CSMD1: variants seen among roughly 807,000 people sequenced by gnomAD.
The protein encoded by CSMD1 is CUB and sushi domain-containing protein 1.
Under a neutral mutation model 417.5 loss-of-function variants are expected in CSMD1, and 213 were observed. The observed-to-expected ratio is 0.51, with a 90% CI of 0.46 to 0.57. The LOEUF is 0.57. CSMD1 is among the 20% of genes least tolerant of loss of function. The pLI is 0.00. For missense variants in CSMD1, 6,923 were observed against 4,529.7 expected (o/e 1.53, Z -15.17); for synonymous variants, 2,862 against 1,736.8 (o/e 1.65, Z -16.11).
intron 3 of CSMD1, among the ~76,000 whole-genome samples, chr8:4,415,901 C>G (rs565886615): frequency 6.6e-6 from 1 of 152,182 alleles, no homozygotes; most frequent in Non-Finnish European, 1.5e-5. Flanking sequence ...ATTGCAACTT[C>G]TGTAGATGTA....
At chr8:4,698,903 AACACACAC>A (rs71988727) in intron 1 of CSMD1, among the ~76,000 whole-genome samples, 4,313 of 140,190 alleles carry the variant, frequency 0.031, 194 homozygotes, top group African/African-American at 0.1. Flanking sequence ...ATACCCTCCC[AACACACAC>A]ACACACACAC....
chr8:4,142,278 A>T (rs1361899437), intron 3 of CSMD1, among the ~76,000 whole-genome samples: 1 of 151,148 alleles, frequency 6.6e-6, no homozygotes, highest in East Asian at 1.9e-4. Flanking sequence ...CTCTTGGTAT[A>T]AGGTAATGTT....
intron 1 of CSMD1, among the ~76,000 whole-genome samples, chr8:4,712,432 A>G (rs1440429833): frequency 1.3e-5 from 2 of 152,126 alleles, no homozygotes; most frequent in African/African-American, 4.8e-5. Flanking sequence ...AGGACTACCT[A>G]CTCTTACTCT....
chr8:3,192,466 G>C (rs193162961), intron 33 of CSMD1, among the ~76,000 whole-genome samples: 5 of 152,266 alleles, frequency 3.3e-5, no homozygotes, highest in Admixed American at 6.5e-5. Context: ...TCCTTGTTAA[G>C]ATGATGACTT....
chr8:3,197,722 C>G (rs1000015449), intron 33 of CSMD1, among the ~76,000 whole-genome samples: 1 of 152,208 alleles, frequency 6.6e-6, no homozygotes, highest in African/African-American at 2.4e-5. Flanking sequence ...CCTCGGCCTC[C>G]CAAAGTGCTG....
intron 3 of CSMD1, among the ~76,000 whole-genome samples, chr8:4,162,754 T>A (rs2552088): frequency 0.22 from 32,885 of 152,044 alleles, 3,639 homozygotes; most frequent in East Asian, 0.3. Context: ...TAAGTCATTA[T>A]CATCCAAACC....
At chr8:4,978,356 A>C (rs1489847587) in intron 1 of CSMD1, among the ~76,000 whole-genome samples, 5 of 152,066 alleles carry the variant, frequency 3.3e-5, no homozygotes, top group Non-Finnish European at 7.4e-5. Context: ...CAGAAGGAAA[A>C]AGCCAGATCA....
At chr8:3,119,128 C>T (rs200819177) in intron 41 of CSMD1, among the ~76,000 whole-genome samples, 2 of 151,756 alleles carry the variant, frequency 1.3e-5, no homozygotes, top group Non-Finnish European at 2.9e-5. Context: ...TGCAGTGAGC[C>T]GAGATCTTGC....
At chr8:3,565,779 T>A (rs34038999) in intron 10 of CSMD1, among the ~76,000 whole-genome samples, 60,384 of 151,972 alleles carry the variant, frequency 0.4, 12,267 homozygotes, top group Middle Eastern at 0.49. Flanking sequence ...CAAATTGCTG[T>A]GACTAATTAC....
intron 4 of CSMD1, among the ~76,000 whole-genome samples, chr8:4,024,074 A>T (rs1002853326): frequency 6.6e-6 from 1 of 152,164 alleles, no homozygotes; most frequent in Admixed American, 6.5e-5. Flanking sequence ...AATATACTAG[A>T]AAGAGTAGAA....
chr8:3,451,853 A>G (rs912580042), intron 12 of CSMD1, among the ~76,000 whole-genome samples: 1 of 152,184 alleles, frequency 6.6e-6, no homozygotes, highest in Non-Finnish European at 1.5e-5. Context: ...TTACGTGAAG[A>G]AAGTCATTGG....
At chr8:4,173,183 G>T (rs1459985017) in intron 3 of CSMD1, among the ~76,000 whole-genome samples, 1 of 152,098 alleles carries the variant, frequency 6.6e-6, no homozygotes, top group Admixed American at 6.6e-5. Flanking sequence ...AATACAGGAT[G>T]CTCAATTAAA....
chr8:3,826,984 G>T (rs1036953376), intron 5 of CSMD1, among the ~76,000 whole-genome samples: 1 of 151,994 alleles, frequency 6.6e-6, no homozygotes, highest in African/African-American at 2.4e-5. Flanking sequence ...GTGTTGCTAT[G>T]TTGCCCAAGC....
intron 2 of CSMD1, among the ~76,000 whole-genome samples, chr8:4,450,409 G>A (rs547357157): frequency 3.9e-5 from 6 of 152,210 alleles, no homozygotes; most frequent in East Asian, 1.9e-4. Flanking sequence ...AGGCGGATCA[G>A]CAGGTCAAGA....
intron 3 of CSMD1, among the ~76,000 whole-genome samples, chr8:4,110,658 G>A (rs958539113): frequency 1.3e-5 from 2 of 152,104 alleles, no homozygotes; most frequent in East Asian, 3.9e-4. Flanking sequence ...GCATGTGTGT[G>A]TTTCTATAAA....
intron 24 of CSMD1, 147 bp downstream of exon 24, chr8:3,308,165 C>T: frequency 1.5e-6 from 1 of 653,706 alleles, no homozygotes; most frequent in African/African-American, 1.8e-5. Flanking sequence ...CACTCACAGA[C>T]ACGTGCAAAT....
chr8:3,805,940 C>T (rs1473196377), intron 5 of CSMD1, among the ~76,000 whole-genome samples: 1 of 152,132 alleles, frequency 6.6e-6, no homozygotes, highest in African/African-American at 2.4e-5. Context: ...GACACACCTG[C>T]TCTTGAAAGG....
chr8:4,784,254 A>G (rs1177651570), intron 1 of CSMD1, among the ~76,000 whole-genome samples: 1 of 152,230 alleles, frequency 6.6e-6, no homozygotes, highest in Admixed American at 6.5e-5. Flanking sequence ...GTCAAGCCCA[A>G]GTAAACAGGC....
At chr8:4,786,566 T>C (rs2117212628) in intron 1 of CSMD1, among the ~76,000 whole-genome samples, 1 of 152,308 alleles carries the variant, frequency 6.6e-6, no homozygotes, top group African/African-American at 2.4e-5. Flanking sequence ...TTAGAGAGCA[T>C]TTAAAATACA....
Sources: gnomAD v4.1 joint callset for allele counts (sites outside exome capture counted in the v4.1 genomes callset) on GRCh38, gnomAD v4.1.1 for gene constraint, MANE v1.5 for transcripts, NCBI Gene and HGNC (gene_info 2026-07-23, HGNC 2026-07-21) for gene names.